IQCM: variants seen among roughly 807,000 people sequenced by gnomAD.
IQCM encodes the protein IQ motif containing M.
Under a neutral mutation model 57.6 loss-of-function variants are expected in IQCM, and 45 were observed. The ratio of observed to expected loss-of-function variants is 0.78; its 90% CI spans 0.62 to 1.00. The LOEUF (loss-of-function observed/expected upper bound fraction) is 1.00. Among genes scored for constraint, IQCM ranks in the 50% least tolerant of loss-of-function variants. The pLI is 0.00. For missense variants in IQCM, 468 were observed against 511.6 expected (o/e 0.91, Z 0.82); for synonymous variants, 148 against 158.9 (o/e 0.93, Z 0.51).
chr4:149,407,094 T>C (rs928592757), intron 13 of IQCM, among the ~76,000 whole-genome samples: 2 of 152,028 alleles, frequency 1.3e-5, no homozygotes, highest in Admixed American at 1.3e-4. Flanking sequence ...TTTAAAGCCA[T>C]CAGACTTCGT....
chr4:149,711,808 A>G (rs1278474946), intron 5 of IQCM, among the ~76,000 whole-genome samples: 1 of 152,202 alleles, frequency 6.6e-6, no homozygotes, highest in African/African-American at 2.4e-5. Context: ...AGAAACTACC[A>G]TCAACTCAGT....
At chr4:149,761,388 A>G (rs1769499464) in intron 2 of IQCM, among the ~76,000 whole-genome samples, 1 of 151,982 alleles carries the variant, frequency 6.6e-6, no homozygotes, top group African/African-American at 2.4e-5. Flanking sequence ...CCTATTCCCA[A>G]CACTACTACC....
intron 12 of IQCM, among the ~76,000 whole-genome samples, chr4:149,459,401 A>T (rs978988704): frequency 1.3e-5 from 2 of 152,244 alleles, no homozygotes; most frequent in Non-Finnish European, 2.9e-5. Context: ...AATGAAGCAC[A>T]CACCCCTTTT....
chr4:149,561,193 A>G (rs1579495606), intron 10 of IQCM, among the ~76,000 whole-genome samples: 1 of 152,210 alleles, frequency 6.6e-6, no homozygotes, highest in East Asian at 1.9e-4. Context: ...GTACTTTTTT[A>G]TCTCAAATTC....
chr4:149,686,023 C>T (rs1451908679), intron 6 of IQCM, among the ~76,000 whole-genome samples: 1 of 151,490 alleles, frequency 6.6e-6, no homozygotes, highest in African/African-American at 2.4e-5. Context: ...TTATAACTTA[C>T]TCTGCTCCAT....
At position 149,546,652 on chromosome 4, in the gene IQCM, C is replaced by T. The variant is rs190330679; in HGVS notation, c.1228+1803G>A. On this transcript the variant is annotated intron_variant, in intron 12 of 13. Coordinates refer to ENST00000636793, the MANE Select transcript of IQCM (RefSeq NM_001363507.2). ...AGTGTCTGCTCATATCCTTTGCCCA[C>T]TTTTTGATGGGGTTGTTTGTTTTTT... Among the ~76,000 whole-genome samples, 512 of 152,238 alleles carry T rather than the reference C, an allele frequency of 3.4e-3. 7 individuals are homozygous for T. The East Asian group carries it at 0.038, about 11-fold the overall frequency.
intron 9 of IQCM, among the ~76,000 whole-genome samples, chr4:149,583,250 G>A (rs2149990576): frequency 6.6e-6 from 1 of 151,400 alleles, no homozygotes; most frequent in South Asian, 2.1e-4. Context: ...TGAAAATAAG[G>A]AAAACTCAAA....
chr4:149,383,630 A>G (rs535116975), intron 13 of IQCM, among the ~76,000 whole-genome samples: 2 of 152,286 alleles, frequency 1.3e-5, no homozygotes, highest in African/African-American at 2.4e-5. Context: ...AAGGTCCTCT[A>G]TGATTAATCT....
Position 149,489,931 on chromosome 4 carries a change from A to C in IQCM, c.1229-56374T>G, listed in dbSNP as rs536134702. The stretch of plus-strand genomic sequence containing the variant: ...TACAAGCTATACATAAAAATGATTA[A>C]AATTTTTGTTTTTGTTTGGTTAAAT... On this transcript the variant is annotated intron_variant, in intron 12 of 13. Coordinates refer to ENST00000636793, the MANE Select transcript of IQCM (RefSeq NM_001363507.2). Among the ~76,000 whole-genome samples the C allele has an allele frequency of 3.3e-5, 5 of 152,104 alleles. No homozygotes were observed. In the East Asian group the frequency reaches 7.7e-4, roughly 24 times the overall value.
intron 9 of IQCM, among the ~76,000 whole-genome samples, chr4:149,582,307 C>CATATATAT (rs70965193): frequency 1.1e-5 from 1 of 88,174 alleles, no homozygotes; most frequent in African/African-American, 5.1e-5. Flanking sequence ...ATGCTGTAGA[C>CATATATAT]ATATATATAT....
At chr4:149,515,061 T>C (rs1267817615) in intron 12 of IQCM, among the ~76,000 whole-genome samples, 1 of 120,518 alleles carries the variant, frequency 8.3e-6, no homozygotes, top group Non-Finnish European at 1.8e-5. Flanking sequence ...TAAACTCCCA[T>C]ATATATACAC....
chr4:149,727,030 G>GT (rs1411731880), intron 5 of IQCM, among the ~76,000 whole-genome samples: 4 of 152,078 alleles, frequency 2.6e-5, no homozygotes, highest in African/African-American at 9.7e-5. Context: ...GATTACAGGT[G>GT]TGAGTCACCA....
In IQCM at chr4:149,668,830, G is replaced by C. The variant is rs548572765; in HGVS notation, c.565+13288C>G. Among the ~76,000 whole-genome samples the C allele has an allele frequency of 3.3e-5, 5 of 152,150 alleles. No individual in the cohort carries two copies. In the East Asian group the frequency reaches 5.8e-4, roughly 18 times the overall value. On this transcript the variant is annotated intron_variant, in intron 7 of 13. Coordinates refer to ENST00000636793, the MANE Select transcript of IQCM (RefSeq NM_001363507.2). ...AGAAAATCAGCAAAACTAAAAGTTG[G>C]CTTTTAAAAGAAGAAGAAAATAAAG...
At chr4:149,397,576 T>C (rs1289182291) in intron 13 of IQCM, among the ~76,000 whole-genome samples, 1 of 152,014 alleles carries the variant, frequency 6.6e-6, no homozygotes, top group African/African-American at 2.4e-5. Context: ...GCCATGATTG[T>C]AAGTTTCCTG....
chr4:149,410,098 G>A (rs1432681964), intron 13 of IQCM, among the ~76,000 whole-genome samples: 2 of 152,146 alleles, frequency 1.3e-5, no homozygotes, highest in African/African-American at 2.4e-5. Flanking sequence ...GCAGAGAACT[G>A]CTTGAACCCG....
chr4:149,425,140 A>G (rs1404107141), intron 13 of IQCM, among the ~76,000 whole-genome samples: 1 of 152,072 alleles, frequency 6.6e-6, no homozygotes, highest in African/African-American at 2.4e-5. Context: ...GAAAATGCAC[A>G]TAAAATGTAT....
intron 2 of IQCM, among the ~76,000 whole-genome samples, chr4:149,770,549 AAATTTGG>A (rs1770478046): frequency 6.6e-6 from 1 of 152,088 alleles, no homozygotes; most frequent in East Asian, 1.9e-4. Flanking sequence ...TTAGTAAATA[AAATTTGG>A]TAATCTGTAA....
intron 7 of IQCM, among the ~76,000 whole-genome samples, chr4:149,622,568 C>G (rs1174516045): frequency 6.6e-6 from 1 of 152,068 alleles, no homozygotes; most frequent in Non-Finnish European, 1.5e-5. Flanking sequence ...TGGTCTCGAA[C>G]TTAAAATTAT....
intron 12 of IQCM, among the ~76,000 whole-genome samples, chr4:149,531,447 C>T (rs1356361055): frequency 6.6e-6 from 1 of 152,098 alleles, no homozygotes; most frequent in African/African-American, 2.4e-5. Flanking sequence ...CTTCTTTCCT[C>T]CCTGCATTCT....
Sources: allele counts gnomAD v4.1 joint callset (sites outside exome capture counted in the v4.1 genomes callset), GRCh38; gene constraint gnomAD v4.1.1; transcripts MANE v1.5; gene names NCBI Gene and HGNC (gene_info 2026-07-23, HGNC 2026-07-21).